Variants in ROS1 observed in about 807,000 individuals in gnomAD.
The protein encoded by ROS1 is ROS proto-oncogene 1, receptor tyrosine kinase.
Under a neutral mutation model 273.5 loss-of-function variants are expected in ROS1, and 263 were observed. The observed-to-expected ratio is 0.96, with a 90% CI of 0.87 to 1.06. ROS1 has a LOEUF of 1.06. Ranked by LOEUF, ROS1 falls within the 50% of genes least tolerant of loss-of-function variation. ROS1 has a pLI of 0.00. For synonymous variants in ROS1, 1,008 were observed against 954.1 expected (o/e 1.06, Z -1.04); for missense variants, 2,833 against 2,751.1 (o/e 1.03, Z -0.67).
At chr6:117,421,103 T>G (rs981821195) in intron 1 of ROS1, among the ~76,000 whole-genome samples, 1 of 150,800 alleles carries the variant, frequency 6.6e-6, no homozygotes, top group Non-Finnish European at 1.5e-5. Flanking sequence ...ATTTTTATTC[T>G]GCAATTCTGT....
intron 19 of ROS1, 144 bp from the exon 20 acceptor site, chr6:117,365,885 T>A (rs367828247): frequency 3.3e-6 from 3 of 912,696 alleles, no homozygotes; most frequent in East Asian, 5.4e-5. Flanking sequence ...CTGAAAAAAA[T>A]CATCTTTTTC....
Position 117,360,347 on chromosome 6 carries a change from G to A in ROS1, c.3425C>T (p.Thr1142Ile), listed in dbSNP as rs375496236. The A allele has an allele frequency of 5.3e-5, 85 of 1,611,644 alleles. No individual in the cohort carries two copies. Among genetic ancestry groups the A allele is most frequent in the Non-Finnish European group, 7.0e-5 (83 of 1,178,870 alleles). Residue 1142 changes from threonine to isoleucine, a missense_variant, in exon 23 of 44, where the codon ACA becomes ATA. Thr to Ile is a moderately conservative substitution (Grantham distance 89). Transcript: ENST00000368507. ...GPYADVVKST[T>I]SEINPFPHLI... ...AGATTTTAGAAAACAAATACCTGAT[G>A]TTGTAGACTTTACAACGTCAGCATA... is the stretch of plus-strand genomic sequence containing the variant.
chr6:117,363,960 C>G (rs975931009), intron 21 of ROS1, among the ~76,000 whole-genome samples: 11 of 152,144 alleles, frequency 7.2e-5, no homozygotes, highest in African/African-American at 1.9e-4. Flanking sequence ...GGATAATTTC[C>G]TGGCTATATT....
chr6:117,341,955 C>T (rs541680302), intron 29 of ROS1, among the ~76,000 whole-genome samples: 2 of 152,270 alleles, frequency 1.3e-5, no homozygotes, highest in East Asian at 3.9e-4. Flanking sequence ...TAATCACCAC[C>T]TCATCAGCTC....
chr6:117,329,140 T>C (rs1409548450), intron 33 of ROS1, among the ~76,000 whole-genome samples, 189 bp downstream of exon 33: 1 of 152,240 alleles, frequency 6.6e-6, no homozygotes, highest in Non-Finnish European at 1.5e-5. Context: ...CGTGATCTGT[T>C]TATAATTAGC....
In ROS1 at chr6:117,287,477, TAG is replaced by T. The variant is rs1377619699; in HGVS notation, c.*1013_*1014del. ...TCTTTATACTAGTTAATTTCCATAA[TAG>T]CACACAAGTCAGAGTGATTTTATAC... On this transcript the variant is annotated 3_prime_UTR_variant, in exon 44 of 44. Coordinates refer to ENST00000368507, the MANE Select transcript of ROS1 (RefSeq NM_001378902.1). Among the ~76,000 whole-genome samples, 1 of 152,204 alleles carries T rather than the reference TAG, an allele frequency of 6.6e-6. No individual in the cohort carries two copies. Among genetic ancestry groups the T allele is most frequent in the Non-Finnish European group, 1.5e-5 (1 of 68,042 alleles).
intron 27 of ROS1, among the ~76,000 whole-genome samples, chr6:117,347,335 A>G (rs549593389): frequency 6.6e-6 from 1 of 152,210 alleles, no homozygotes; most frequent in South Asian, 2.1e-4. Flanking sequence ...AATGTAAATG[A>G]TACTGTGTGT....
chr6:117,387,263 G>C (rs976320741), intron 14 of ROS1, among the ~76,000 whole-genome samples: 2 of 152,214 alleles, frequency 1.3e-5, no homozygotes, highest in Admixed American at 1.3e-4. Flanking sequence ...CTATAACGGT[G>C]TCTTGATCAT....
In ROS1 at chr6:117,288,534, A is replaced by G; in HGVS notation, c.6984T>C (p.Tyr2328=). The change falls in exon 44 of 44, where the codon TAT becomes TAC. Residue 2328 remains tyrosine, a synonymous_variant. Coordinates refer to ENST00000368507, the MANE Select transcript of ROS1 (RefSeq NM_001378902.1). Reference sequence around the variant, plus strand: ...CATATCCACTGTGAGTGAGACAGGCATAGTTCAGGCCTTCAGGCTTGCCAG... The same window carrying G: ...CATATCCACTGTGAGTGAGACAGGCGTAGTTCAGGCCTTCAGGCTTGCCAG... ...CPSGKPEGLN[Y]ACLTHSGYGD... is the part of the protein sequence containing the mutation. 1 of 1,614,144 alleles carries G rather than the reference A, an allele frequency of 6.2e-7. No homozygotes were observed. Among genetic ancestry groups the G allele is most frequent in the African/African-American group, 1.3e-5 (1 of 75,038 alleles).
intron 17 of ROS1, among the ~76,000 whole-genome samples, chr6:117,382,552 T>G (rs1772239527): frequency 6.6e-6 from 1 of 152,170 alleles, no homozygotes. Flanking sequence ...TTTTCACAGT[T>G]GAAATATGTC....
rs912909493 is a variant in ROS1 at position 117,311,009 on chromosome 6, G to A, written c.6215+11C>T. 5 of 1,555,740 alleles carry A rather than the reference G, an allele frequency of 3.2e-6. No homozygotes were observed. The highest frequency in any genetic ancestry group is 4.4e-6 in the Non-Finnish European group (5 of 1,131,552). ...ATCCGTAATAACCCTGTATCCAGAAGAGAATTGTACCTGTGAATGAAATGC... is the reference window on the plus strand; with the variant it reads ...ATCCGTAATAACCCTGTATCCAGAAAAGAATTGTACCTGTGAATGAAATGC... On this transcript the variant is annotated intron_variant, in intron 40 of 43. Coordinates refer to ENST00000368507, the MANE Select transcript of ROS1 (RefSeq NM_001378902.1).
intron 37 of ROS1, 39 bp downstream of exon 37, chr6:117,319,829 G>A (rs2128558374): frequency 2.6e-6 from 4 of 1,557,122 alleles, no homozygotes; most frequent in African/African-American, 1.4e-5. Flanking sequence ...TGTAGATATG[G>A]TGATATAATG....
intron 1 of ROS1, among the ~76,000 whole-genome samples, chr6:117,421,643 A>AT (rs1015699164): frequency 1.6e-4 from 24 of 152,028 alleles, no homozygotes; most frequent in Admixed American, 1.4e-3. Flanking sequence ...TATATATCAC[A>AT]TTTTTTTATC....
At position 117,362,635 on chromosome 6, in the gene ROS1, C is replaced by T; in HGVS notation, c.3334G>A (p.Gly1112Ser). 1.2e-6 allele frequency: 2 copies of T among 1,613,568 alleles called. No individual in the cohort carries two copies. The highest frequency in any genetic ancestry group is 1.3e-5 in the African/African-American group (1 of 75,010). The change falls in exon 22 of 44, where the codon GGC becomes AGC. Residue 1112 changes from glycine (G) to serine (S), a missense_variant. Physicochemically the swap from Gly to Ser is moderately conservative, Grantham distance 56. Transcript: ENST00000368507. ...TPSVMSFQLEGMSPRCFIAFQ... is the reference protein window; with the variant it reads ...TPSVMSFQLESMSPRCFIAFQ... ...GCAATAAAGCATCTGGGACTCATGC[C>T]TTCAAGTTGAAAAGACATCACTGAG...
Position 117,366,289 on chromosome 6 carries a change from T to A in ROS1, c.2584A>T (p.Thr862Ser). 6.2e-7 allele frequency: 1 copy of A among 1,613,260 alleles called. No individual in the cohort carries two copies. Among genetic ancestry groups the A allele is most frequent in the Non-Finnish European group, 8.5e-7 (1 of 1,179,336 alleles). The change falls in exon 19 of 44, where the codon ACT becomes TCT. Residue 862 changes from threonine to serine, a missense_variant and splice_region_variant. Transcript: ENST00000368507. ...LYTAVLRGQS[T>S]GDTTITEFAA... ...AATTCTGTGATGGTGGTATCCCCAGTGCTGCTAAAACATAACACCAATTAG... is the reference window on the plus strand; with the variant it reads ...AATTCTGTGATGGTGGTATCCCCAGAGCTGCTAAAACATAACACCAATTAG...
chr6:117,385,530 A>G (rs536931038), intron 16 of ROS1, among the ~76,000 whole-genome samples, 153 bp downstream of exon 16: 4 of 152,182 alleles, frequency 2.6e-5, no homozygotes, highest in Non-Finnish European at 5.9e-5. Flanking sequence ...GAAAAAAAAA[A>G]TGTTTAAGTG....
chr6:117,398,949 G>C (rs1236509490), intron 7 of ROS1, among the ~76,000 whole-genome samples: 1 of 151,064 alleles, frequency 6.6e-6, no homozygotes, highest in Non-Finnish European at 1.5e-5. Context: ...CTCCAGCCTG[G>C]GCAACAGCGA....
At chr6:117,318,323 A>T in intron 37 of ROS1, 71 bp from the exon 38 acceptor site, 2 of 1,132,336 alleles carry the variant, frequency 1.8e-6, no homozygotes, top group Non-Finnish European at 2.7e-6. Flanking sequence ...GTTAATGGAG[A>T]TTGTTCTGTT....
At chr6:117,401,446 T>G (rs1335785914) in intron 7 of ROS1, among the ~76,000 whole-genome samples, 2 of 152,186 alleles carry the variant, frequency 1.3e-5, no homozygotes, top group Non-Finnish European at 2.9e-5. Context: ...CTTCCTACTT[T>G]AAAATCTATC....
Sources: allele counts gnomAD v4.1 joint callset (sites outside exome capture counted in the v4.1 genomes callset), GRCh38; gene constraint gnomAD v4.1.1; transcripts MANE v1.5; gene names NCBI Gene and HGNC (gene_info 2026-07-23, HGNC 2026-07-21).